The following EEF1AKMT2 variants were observed in gnomAD, a reference collection of about 807,000 sequenced individuals.
EEF1AKMT2 encodes the protein EEF1A lysine methyltransferase 2.
Under a neutral mutation model 35.8 loss-of-function variants are expected in EEF1AKMT2, and 32 were observed. The observed-to-expected ratio is 0.89, with a 90% CI of 0.67 to 1.20. The LOEUF is 1.20. Ranked by LOEUF, EEF1AKMT2 falls within the 50% of genes most tolerant of loss-of-function variation. The pLI is 0.00. For synonymous variants in EEF1AKMT2, 121 were observed against 133.7 expected (o/e 0.91, Z 0.65); for missense variants, 330 against 347.5 (o/e 0.95, Z 0.40).
At chr10:124,762,225 G>T in intron 6 of EEF1AKMT2, 75 bp downstream of exon 6, 1 of 1,010,332 alleles carries the variant, frequency 9.9e-7, no homozygotes, top group Non-Finnish European at 1.2e-6. Flanking sequence ...GTAATGTAGT[G>T]TTTTCCTAAA....
At chr10:124,782,513 C>A (rs905248488) in intron 3 of EEF1AKMT2, among the ~76,000 whole-genome samples, 1 of 135,496 alleles carries the variant, frequency 7.4e-6, no homozygotes, top group African/African-American at 2.8e-5. Flanking sequence ...ACCTGGGAGG[C>A]GGAGCTTGCA....
chr10:124,759,284 T>G lies in EEF1AKMT2; in HGVS notation c.*1219A>C, dbSNP rs1379248665. 1 of 152,202 alleles carries G rather than the reference T, an allele frequency of 6.6e-6. No individual in the cohort carries two copies. Among genetic ancestry groups the G allele is most frequent in the Non-Finnish European group, 1.5e-5 (1 of 68,038 alleles). The allele number at this position is 152,202 out of a possible 1,614,324, so 9.4% of individuals were successfully genotyped here. On this transcript the variant is annotated 3_prime_UTR_variant, in exon 7 of 7. Transcript: ENST00000368836. ...TAGAACATCTTTGTGCATGTATCGCTGAGGGCTTATATAACTTACACTACC... is the reference window on the plus strand; with the variant it reads ...TAGAACATCTTTGTGCATGTATCGCGGAGGGCTTATATAACTTACACTACC...
chr10:124,780,970 G>A (rs759268850), intron 3 of EEF1AKMT2, among the ~76,000 whole-genome samples: 12 of 150,988 alleles, frequency 7.9e-5, no homozygotes, highest in African/African-American at 1.7e-4. Context: ...TTTTTGAGAC[G>A]GAGTCTTGCT....
intron 4 of EEF1AKMT2, among the ~76,000 whole-genome samples, chr10:124,766,740 A>G (rs1414465780): frequency 1.3e-5 from 2 of 152,326 alleles, no homozygotes; most frequent in East Asian, 3.9e-4. Context: ...AATAATGACT[A>G]TCACTCTGAA....
At chr10:124,764,009 CTT>C (rs1488842517) in intron 5 of EEF1AKMT2, among the ~76,000 whole-genome samples, 1 of 152,182 alleles carries the variant, frequency 6.6e-6, no homozygotes, top group African/African-American at 2.4e-5. Flanking sequence ...GCCTCAAACA[CTT>C]CAGGTTTTAC....
Position 124,791,723 on chromosome 10 carries a change from C to G in EEF1AKMT2, c.110+1G>C, listed in dbSNP as rs1316618230. ...CCTCCCCTGCCCAGCGTCACACTCACTGCTCGCGGGTCCCCAGCGCCGACG... is the reference window on the plus strand; with the variant it reads ...CCTCCCCTGCCCAGCGTCACACTCAGTGCTCGCGGGTCCCCAGCGCCGACG... On this transcript the variant is annotated splice_donor_variant, in intron 1 of 6. Coordinates refer to ENST00000368836, the MANE Select transcript of EEF1AKMT2 (RefSeq NM_212554.4). LOFTEE classifies it high-confidence loss of function. The G allele has an allele frequency of 6.3e-7, 1 of 1,581,746 alleles. No individual in the cohort carries two copies. Among genetic ancestry groups the G allele is most frequent in the Non-Finnish European group, 8.6e-7 (1 of 1,168,530 alleles).
chr10:124,756,833 T>C (rs1180060495), downstream of EEF1AKMT2, among the ~76,000 whole-genome samples: 2 of 152,176 alleles, frequency 1.3e-5, no homozygotes, highest in African/African-American at 2.4e-5. Context: ...GCCCTGAACA[T>C]AGGAATCCAT....
intron 3 of EEF1AKMT2, among the ~76,000 whole-genome samples, chr10:124,784,003 T>C (rs559612729): frequency 6.6e-6 from 1 of 152,258 alleles, no homozygotes; most frequent in East Asian, 1.9e-4. Flanking sequence ...TTTATATTTT[T>C]AGTAGAGACA....
At chr10:124,785,285 A>C (rs891801746) in intron 3 of EEF1AKMT2, among the ~76,000 whole-genome samples, 7 of 151,382 alleles carry the variant, frequency 4.6e-5, no homozygotes, top group Non-Finnish European at 1.0e-4. Context: ...GTAAAAGGTA[A>C]AGTGTTAAAA....
At chr10:124,789,952 CGCGATCTCAGCTCACT>C (rs1215983080) in intron 2 of EEF1AKMT2, among the ~76,000 whole-genome samples, 2 of 150,420 alleles carry the variant, frequency 1.3e-5, no homozygotes, top group Non-Finnish European at 2.9e-5. Flanking sequence ...AGTGCAGTGG[CGCGATCTCAGCTCACT>C]GCAATCTCCG....
intron 4 of EEF1AKMT2, 171 bp from the exon 5 acceptor site, chr10:124,765,779 A>G: frequency 3.6e-6 from 2 of 558,518 alleles, no homozygotes; most frequent in Middle Eastern, 4.8e-4. Context: ...GCTTCAGTCC[A>G]AGATCATTAA....
In EEF1AKMT2 at chr10:124,774,769, A is replaced by C. The variant is rs749211699; in HGVS notation, c.305T>G (p.Phe102Cys). The C allele has an allele frequency of 2.7e-6, 4 of 1,456,902 alleles. No individual in the cohort carries two copies. In the South Asian group the frequency reaches 6.4e-5, roughly 23 times the overall value. 90.2% of individuals were successfully genotyped at this position (1,456,902 alleles called of 1,614,324 possible). A position where few individuals can be genotyped will look rare whatever the true frequency, so the allele number is the denominator to read the frequency against. Reference sequence around the variant, plus strand: ...GTAATCAATTCCAGTAATATTAGAGAAACCAAATTTTGCCTAGAGAGAAAT... The same window carrying C: ...GTAATCAATTCCAGTAATATTAGAGCAACCAAATTTTGCCTAGAGAGAAAT... ...VFLVELAKFGFSNITGIDYSP... is the reference protein window; with the variant it reads ...VFLVELAKFGCSNITGIDYSP... The change falls in exon 4 of 7, where the codon TTC (phenylalanine) becomes TGC (cysteine). Residue 102 changes from phenylalanine to cysteine, a missense_variant. Transcript: ENST00000368836.
At chr10:124,786,963 A>ATT (rs774384401) in intron 3 of EEF1AKMT2, among the ~76,000 whole-genome samples, 5 of 146,010 alleles carry the variant, frequency 3.4e-5, no homozygotes, top group East Asian at 2.0e-4. Context: ...GTACAAAAGA[A>ATT]TTTTTTTTTT....
intron 3 of EEF1AKMT2, among the ~76,000 whole-genome samples, chr10:124,788,196 A>C (rs894934072): frequency 3.3e-5 from 5 of 151,948 alleles, no homozygotes; most frequent in Non-Finnish European, 7.4e-5. Flanking sequence ...CCCTCTTTAC[A>C]CGCCACTAGG....
chr10:124,767,160 TA>T (rs903606562), intron 4 of EEF1AKMT2, among the ~76,000 whole-genome samples: 1,539 of 104,156 alleles, frequency 0.015, 11 homozygotes, highest in Non-Finnish European at 0.018. Context: ...GACTCCATCT[TA>T]AAAAAAAAAA....
intron 4 of EEF1AKMT2, among the ~76,000 whole-genome samples, chr10:124,768,558 G>A (rs553520600): frequency 1.4e-4 from 22 of 152,038 alleles, no homozygotes; most frequent in Non-Finnish European, 2.9e-4. Context: ...CAGCCTGAGC[G>A]ACGTGCTGAA....
intron 4 of EEF1AKMT2, among the ~76,000 whole-genome samples, chr10:124,772,822 T>C (rs1237031417): frequency 3.3e-5 from 5 of 152,198 alleles, no homozygotes; most frequent in Non-Finnish European, 7.3e-5. Flanking sequence ...CTTCACAGAA[T>C]TGAAAAGAGT....
chr10:124,766,484 A>G lies in EEF1AKMT2; in HGVS notation c.400-876T>C, dbSNP rs1312045310. Among the ~76,000 whole-genome samples, 3 of 152,226 alleles carry G rather than the reference A, an allele frequency of 2.0e-5. No individual in the cohort carries two copies. The East Asian group carries it at 5.8e-4, about 29-fold the overall frequency. ...ACCTGATGCATACTAAGCATCGGAA[A>G]TAGCAATCCGCCTCAATTTTATAAA... is the stretch of plus-strand genomic sequence containing the variant. On this transcript the variant is annotated intron_variant, in intron 4 of 6. Coordinates refer to ENST00000368836, the MANE Select transcript of EEF1AKMT2 (RefSeq NM_212554.4).
At chr10:124,789,296 A>G (rs1039613184) in intron 2 of EEF1AKMT2, 139 bp from the exon 3 acceptor site, 3 of 576,148 alleles carry the variant, frequency 5.2e-6, no homozygotes, top group Admixed American at 3.4e-5. Context: ...CTTTGTCTCT[A>G]CTGTAATTTA....
Sources: gnomAD v4.1 joint callset for allele counts (sites outside exome capture counted in the v4.1 genomes callset) on GRCh38, gnomAD v4.1.1 for gene constraint, MANE v1.5 for transcripts, NCBI Gene and HGNC (gene_info 2026-07-23, HGNC 2026-07-21) for gene names.